The following WDR17 variants were observed in gnomAD, a reference collection of about 807,000 sequenced individuals.
The protein encoded by WDR17 is WD repeat domain 17.
In WDR17, 143 loss-of-function variants were observed where a neutral mutation model predicts 161.7. The observed-to-expected ratio is 0.88, with a 90% CI of 0.77 to 1.02. The LOEUF is 1.02. Among genes scored for constraint, WDR17 ranks in the 50% least tolerant of loss-of-function variants. The pLI is 0.00. For synonymous variants in WDR17, 517 were observed against 515.6 expected (o/e 1.00, Z -0.04); for missense variants, 1,469 against 1,520.9 (o/e 0.97, Z 0.57).
At chr4:176,079,936 T>G (rs1390071393) in intron 1 of WDR17, among the ~76,000 whole-genome samples, 1 of 152,060 alleles carries the variant, frequency 6.6e-6, no homozygotes, top group African/African-American at 2.4e-5. Flanking sequence ...GATAACCTGC[T>G]AACCCATTGA....
chr4:176,109,372 G>A (rs1428310483), intron 1 of WDR17, among the ~76,000 whole-genome samples: 1 of 151,934 alleles, frequency 6.6e-6, no homozygotes. Flanking sequence ...GAATGCTAAT[G>A]TTTGAGGAAA....
intron 23 of WDR17, among the ~76,000 whole-genome samples, chr4:176,170,702 T>C (rs11133133): frequency 0.39 from 59,063 of 152,124 alleles, 12,051 homozygotes; most frequent in East Asian, 0.6. Context: ...GGCTAGAATA[T>C]TATTCACCTC....
At chr4:176,125,771 A>G (rs1302269442) in intron 5 of WDR17, among the ~76,000 whole-genome samples, 1 of 152,224 alleles carries the variant, frequency 6.6e-6, no homozygotes, top group Non-Finnish European at 1.5e-5. Context: ...GTAACTGAAT[A>G]CCACAGAATA....
chr4:176,175,839 G>A (rs896780197), intron 26 of WDR17, among the ~76,000 whole-genome samples: 3 of 152,106 alleles, frequency 2.0e-5, no homozygotes, highest in African/African-American at 7.3e-5. Context: ...GATTACAGGC[G>A]TGAGCCACCA....
chr4:176,172,074 G>A (rs1750814751), intron 23 of WDR17, among the ~76,000 whole-genome samples: 1 of 152,066 alleles, frequency 6.6e-6, no homozygotes, highest in Admixed American at 6.6e-5. Flanking sequence ...GTGCTAAATG[G>A]CATTTTTGGG....
intron 11 of WDR17, among the ~76,000 whole-genome samples, chr4:176,143,756 T>G (rs1002132812): frequency 6.6e-6 from 1 of 152,014 alleles, no homozygotes; most frequent in African/African-American, 2.4e-5. Flanking sequence ...AACATTTGGG[T>G]TTTTTTAGAG....
intron 9 of WDR17, among the ~76,000 whole-genome samples, chr4:176,138,247 T>C (rs1744719356): frequency 6.6e-6 from 1 of 151,774 alleles, no homozygotes; most frequent in Admixed American, 6.6e-5. Flanking sequence ...TTGAAATTTC[T>C]TTTATTTTAG....
chr4:176,181,461 C>T lies in WDR17; in HGVS notation c.*1882C>T, dbSNP rs960657544. 6 of 216,234 alleles carry T rather than the reference C, an allele frequency of 2.8e-5. No homozygotes were observed. The highest frequency in any genetic ancestry group is 5.4e-5 in the Non-Finnish European group (6 of 110,510). 13.4% of individuals were successfully genotyped at this position (216,234 alleles called of 1,614,324 possible). A position where few individuals can be genotyped will look rare whatever the true frequency, so the allele number is the denominator to read the frequency against. The stretch of plus-strand genomic sequence containing the variant: ...CAGCCTGGGCGACAGAGCAAGACCA[C>T]CATCTCCAAAAATTATATATATAAA... On this transcript the variant is annotated 3_prime_UTR_variant, in exon 29 of 29. Coordinates refer to ENST00000508596, the MANE Select transcript of WDR17 (RefSeq NM_181265.4).
chr4:176,171,876 C>CT (rs1341862037), intron 23 of WDR17, among the ~76,000 whole-genome samples: 1 of 151,890 alleles, frequency 6.6e-6, no homozygotes, highest in African/African-American at 2.4e-5. Flanking sequence ...AAGCTAAAAA[C>CT]TTTTAGAGCT....
At chr4:176,154,203 G>T (rs908172374) in intron 17 of WDR17, among the ~76,000 whole-genome samples, 2 of 151,976 alleles carry the variant, frequency 1.3e-5, no homozygotes, top group South Asian at 2.1e-4. Flanking sequence ...GTCCTAAGGC[G>T]GGCACGGTGG....
At chr4:176,080,809 C>T (rs1734649745) in intron 1 of WDR17, among the ~76,000 whole-genome samples, 1 of 151,956 alleles carries the variant, frequency 6.6e-6, no homozygotes, top group African/African-American at 2.4e-5. Flanking sequence ...GTTGTCTTTT[C>T]AGACTCCTTT....
intron 6 of WDR17, among the ~76,000 whole-genome samples, chr4:176,130,623 T>C (rs1043962149): frequency 6.6e-6 from 1 of 151,516 alleles, no homozygotes; most frequent in African/African-American, 2.4e-5. Context: ...CAGGAGCCTG[T>C]AGTCCCAGCT....
intron 8 of WDR17, 104 bp downstream of exon 8, chr4:176,135,380 T>A: frequency 2.3e-6 from 3 of 1,329,178 alleles, no homozygotes; most frequent in Non-Finnish European, 3.2e-6. Flanking sequence ...TTGTTCTAAA[T>A]GAATGTAGAG....
chr4:176,172,237 A>G, intron 23 of WDR17, 138 bp from the exon 24 acceptor site: 1 of 743,102 alleles, frequency 1.3e-6, no homozygotes, highest in Non-Finnish European at 2.1e-6. Flanking sequence ...CTTAATTCAA[A>G]TAATTTCATT....
At chr4:176,155,716 A>AATATATATATATATATATATAT (rs113370958) in intron 17 of WDR17, among the ~76,000 whole-genome samples, 223 of 130,228 alleles carry the variant, frequency 1.7e-3, no homozygotes, top group African/African-American at 5.8e-3. Flanking sequence ...GACTAATTAA[A>AATATATATATATATATATATAT]ATATATATAT....
rs557990441 is a variant in WDR17 at position 176,090,329 on chromosome 4, C to T, written c.-6-21246C>T. ...CCTCTCTCTTTCCACGTCATCTCTGCGCACACCAGCTCCTCTTCCCCTCTG... is the reference window on the plus strand; with the variant it reads ...CCTCTCTCTTTCCACGTCATCTCTGTGCACACCAGCTCCTCTTCCCCTCTG... On this transcript the variant is annotated intron_variant, in intron 1 of 28. Transcript: ENST00000508596. 2.4e-4 allele frequency among the ~76,000 whole-genome samples: 36 copies of T among 151,748 alleles called. 1 individual carries two copies. In the South Asian group the frequency reaches 4.2e-3, roughly 18 times the overall value.
Position 176,160,891 on chromosome 4 carries a change from A to T in WDR17, c.2659-20A>T, listed in dbSNP as rs750728437. On this transcript the variant is annotated intron_variant, in intron 19 of 28. Coordinates refer to ENST00000508596, the MANE Select transcript of WDR17 (RefSeq NM_181265.4). Reference sequence around the variant, plus strand: ...TCAACAATTAGCTAAAGAATAATTCAACATTTAATTAAATTCTAGGCTGCT... The same window carrying T: ...TCAACAATTAGCTAAAGAATAATTCTACATTTAATTAAATTCTAGGCTGCT... The T allele has an allele frequency of 1.1e-5, 17 of 1,568,302 alleles. No homozygotes were observed. Among genetic ancestry groups the T allele is most frequent in the Non-Finnish European group, 1.5e-5 (17 of 1,156,218 alleles).
intron 1 of WDR17, among the ~76,000 whole-genome samples, chr4:176,097,569 A>C (rs1308040660): frequency 6.6e-6 from 1 of 151,958 alleles, no homozygotes; most frequent in East Asian, 1.9e-4. Context: ...CTAACTCTGA[A>C]GAATAATACT....
At chr4:176,129,478 G>T (rs757454193) in intron 6 of WDR17, among the ~76,000 whole-genome samples, 13 of 152,050 alleles carry the variant, frequency 8.5e-5, no homozygotes, top group Admixed American at 6.5e-4. Context: ...TTTAGAATTA[G>T]AATTTTTTTC....
Sources: gnomAD v4.1 joint callset for allele counts (sites outside exome capture counted in the v4.1 genomes callset) on GRCh38, gnomAD v4.1.1 for gene constraint, MANE v1.5 for transcripts, NCBI Gene and HGNC (gene_info 2026-07-23, HGNC 2026-07-21) for gene names.